Variants in PTPRS observed in about 807,000 individuals in gnomAD.
The protein encoded by PTPRS is receptor-type tyrosine-protein phosphatase S.
In PTPRS, 63 loss-of-function variants were observed where a neutral mutation model predicts 215.3. The ratio of observed to expected loss-of-function variants is 0.29; its 90% CI spans 0.24 to 0.36. The LOEUF is 0.36. PTPRS is among the 10% of genes least tolerant of loss of function. PTPRS has a pLI of 1.00. For missense variants in PTPRS, 2,258 were observed against 2,825.8 expected, an observed-to-expected ratio of 0.80 and a Z score of 4.56; for synonymous variants, 1,404 against 1,191.4, an observed-to-expected ratio of 1.18 and a Z score of -3.68.
chr19:5,242,281 C>T (rs760840337), intron 11 of PTPRS, among the ~76,000 whole-genome samples: 3 of 152,256 alleles, frequency 2.0e-5, no homozygotes, highest in Admixed American at 2.0e-4. Flanking sequence ...GTCTCCCACA[C>T]AGCCACTGGG....
At chr19:5,285,573 G>T (rs914094082) in intron 2 of PTPRS, among the ~76,000 whole-genome samples, 2 of 152,234 alleles carry the variant, frequency 1.3e-5, no homozygotes, top group Non-Finnish European at 2.9e-5. Flanking sequence ...GAGACAGTTT[G>T]TCTGCCTGTG....
chr19:5,222,467 G>GGAGGGGAGC (rs2042073261), intron 18 of PTPRS, among the ~76,000 whole-genome samples: 1 of 151,186 alleles, frequency 6.6e-6, no homozygotes, highest in Non-Finnish European at 1.5e-5. Context: ...GGAAGAGGGG[G>GGAGGGGAGC]GAGGGGAGCA....
At chr19:5,315,969 G>A (rs548473801) in intron 1 of PTPRS, among the ~76,000 whole-genome samples, 5 of 150,664 alleles carry the variant, frequency 3.3e-5, no homozygotes, top group South Asian at 2.1e-4. Flanking sequence ...GGGCCGGGGT[G>A]GGGGGTGGTC....
chr19:5,313,758 C>A (rs775514046), intron 1 of PTPRS, among the ~76,000 whole-genome samples: 1 of 152,042 alleles, frequency 6.6e-6, no homozygotes, highest in African/African-American at 2.4e-5. Flanking sequence ...ACCAACCCAC[C>A]GTTCAATCCA....
At chr19:5,259,784 T>A (rs1388456998) in intron 7 of PTPRS, among the ~76,000 whole-genome samples, 1 of 152,180 alleles carries the variant, frequency 6.6e-6, no homozygotes, top group Non-Finnish European at 1.5e-5. Flanking sequence ...TGTTTGTGAC[T>A]ATCCCACAGA....
rs1401734275 is a variant in PTPRS at position 5,293,121 on chromosome 19, G to A, written c.-94-6887C>T. 6.6e-6 allele frequency: 1 copy of A among 151,786 alleles called. No homozygotes were observed. The highest frequency in any genetic ancestry group is 1.5e-5 in the Non-Finnish European group (1 of 67,804). 9.4% of individuals were successfully genotyped at this position (151,786 alleles called of 1,614,324 possible). A position where few individuals can be genotyped will look rare whatever the true frequency, so the allele number is the denominator to read the frequency against. Reference sequence around the variant, plus strand: ...GGCGGCCCGGGCCTCGGGGTGGAAGGGGGTCCCGGGCGCACTCACCCCGCG... The same window carrying A: ...GGCGGCCCGGGCCTCGGGGTGGAAGAGGGTCCCGGGCGCACTCACCCCGCG... On this transcript the variant is annotated intron_variant, in intron 1 of 37. Coordinates refer to ENST00000262963, the MANE Select transcript of PTPRS (RefSeq NM_002850.4). This position sits in a 1 kb window ranked among gnomAD's most constrained non-coding sequence, Gnocchi z 8.4.
Position 5,219,945 on chromosome 19 carries a change from G to A in PTPRS, c.3759C>T (p.Ser1253=), listed in dbSNP as rs61743105. 3.9e-3 allele frequency: 6,227 copies of A among 1,613,256 alleles called. 188 individuals carry two copies. In the African/African-American group the frequency reaches 0.07, roughly 18 times the overall value. ...VLFVLAVLQK[S]EPTFAASPFS... is the part of the protein sequence containing the mutation. Reference sequence around the variant, plus strand: ...GACACCATTCAGGACTTACAGGCTCGCTCTTCTGAAGCACGGCAAGCACGA... The same window carrying A: ...GACACCATTCAGGACTTACAGGCTCACTCTTCTGAAGCACGGCAAGCACGA... Residue 1253 remains serine, a synonymous_variant, in exon 22 of 38, where the codon AGC becomes AGT. Transcript: ENST00000262963.
At position 5,257,002 on chromosome 19, in the gene PTPRS, G is replaced by A. The variant is rs1459302144; in HGVS notation, c.707-883C>T. Among the ~76,000 whole-genome samples, 1 of 151,896 alleles carries A rather than the reference G, an allele frequency of 6.6e-6. No individual in the cohort carries two copies. The highest frequency in any genetic ancestry group is 1.5e-5 in the Non-Finnish European group (1 of 67,986). ...CAATTACACAGCGCTAACTGGGGCA[G>A]CCCTAGGGATTGAAGGGCGCCCTGG... is the stretch of plus-strand genomic sequence containing the variant. On this transcript the variant is annotated intron_variant, in intron 8 of 37. Transcript: ENST00000262963. This position sits in a 1 kb window ranked among gnomAD's most constrained non-coding sequence, Gnocchi z 4.4.
intron 10 of PTPRS, 97 bp downstream of exon 10, chr19:5,245,679 C>T: frequency 6.8e-7 from 1 of 1,466,426 alleles, no homozygotes; most frequent in Non-Finnish European, 9.0e-7. Flanking sequence ...AAGAGGGTAA[C>T]TCGGAGGTGC....
At position 5,218,468 on chromosome 19, in the gene PTPRS, G is replaced by T. The variant is rs771170964; in HGVS notation, c.4000C>A (p.His1334Asn). ...CTCATTTCCACAGGGTCCTTGGGGT[G>T]GTGAGGGGCGAGGTCGGCATTGTTC... ...LLNNADLAPH[H>N]PKDPVEMRRI... is the part of the protein sequence containing the mutation. The change falls in exon 25 of 38, where the codon CAC (histidine) becomes AAC (asparagine). Residue 1334 changes from histidine (H) to asparagine (N), a missense_variant. Transcript: ENST00000262963. The T allele has an allele frequency of 1.2e-6, 2 of 1,614,000 alleles. No homozygotes were observed. Among genetic ancestry groups the T allele is most frequent in the Non-Finnish European group, 1.7e-6 (2 of 1,180,026 alleles).
chr19:5,318,157 C>T (rs1459988453), intron 1 of PTPRS, among the ~76,000 whole-genome samples: 2 of 149,182 alleles, frequency 1.3e-5, no homozygotes, highest in African/African-American at 2.5e-5. Context: ...GGCAACAGAG[C>T]GAGACTCCGT....
chr19:5,223,756 T>A (rs1489209765), intron 17 of PTPRS, among the ~76,000 whole-genome samples: 1 of 149,558 alleles, frequency 6.7e-6, no homozygotes, highest in Non-Finnish European at 1.5e-5. Context: ...GAGATGGGGT[T>A]TCGCCATATT....
chr19:5,296,037 T>C (rs974457475), intron 1 of PTPRS, among the ~76,000 whole-genome samples: 2 of 151,926 alleles, frequency 1.3e-5, no homozygotes, highest in South Asian at 2.1e-4. Flanking sequence ...ATCACAGACA[T>C]GAGCCCGTAA....
intron 32 of PTPRS, 69 bp downstream of exon 32, chr19:5,211,896 C>CGG: frequency 6.4e-7 from 1 of 1,553,940 alleles, no homozygotes; most frequent in Non-Finnish European, 8.7e-7. Context: ...TTGCTCGAGG[C>CGG]GGGCCTGATT....
At chr19:5,267,091 A>G (rs2046457527) in intron 4 of PTPRS, among the ~76,000 whole-genome samples, 1 of 152,146 alleles carries the variant, frequency 6.6e-6, no homozygotes, top group Non-Finnish European at 1.5e-5. Context: ...ATCCTGGTTG[A>G]GCACTCAATC....
rs994916015 is a variant in PTPRS at position 5,214,279 on chromosome 19, C to G, written c.4614+82G>C. The G allele has an allele frequency of 5.1e-5, 81 of 1,589,622 alleles. No homozygotes were observed. The African/African-American group carries it at 1.0e-3, about 20-fold the overall frequency. On this transcript the variant is annotated intron_variant, in intron 30 of 37. Coordinates refer to ENST00000262963, the MANE Select transcript of PTPRS (RefSeq NM_002850.4). ...CTTTCTCTCTGTCCCATGGGGAGCT[C>G]CCTGGGTAGAAGCTGGGGCCCTCTG... is the stretch of plus-strand genomic sequence containing the variant.
chr19:5,236,475 A>C (rs2043449400), intron 13 of PTPRS, among the ~76,000 whole-genome samples: 2 of 152,192 alleles, frequency 1.3e-5, no homozygotes, highest in African/African-American at 2.4e-5. Context: ...CGATTTTAGA[A>C]TCTACGTCCC....
At chr19:5,221,291 T>C (rs1207695129) in intron 19 of PTPRS, 38 bp from the exon 20 acceptor site, 1 of 1,587,908 alleles carries the variant, frequency 6.3e-7, no homozygotes, top group Non-Finnish European at 8.6e-7. Context: ...CCTGGTGGGC[T>C]CATGCCCATG....
rs7254403 is a variant in PTPRS at position 5,280,614 on chromosome 19, G to A, written c.91+5436C>T. 5.1e-3 allele frequency among the ~76,000 whole-genome samples: 774 copies of A among 152,108 alleles called. 9 individuals are homozygous for A. The highest frequency in any genetic ancestry group is 0.018 in the African/African-American group (753 of 41,516). On this transcript the variant is annotated intron_variant, in intron 2 of 37. Transcript: ENST00000262963. ...CGGGTGCCTGTAATCCCAGCTACTT[G>A]GGAGGCTGAGGCAGGAGAATCGTTT...
Sources: allele counts gnomAD v4.1 joint callset (sites outside exome capture counted in the v4.1 genomes callset), GRCh38; gene constraint gnomAD v4.1.1; non-coding constraint Gnocchi (gnomAD v3.1); transcripts MANE v1.5; gene names NCBI Gene and HGNC (gene_info 2026-07-23, HGNC 2026-07-21).